Variants in RBFOX1 observed in about 807,000 individuals in gnomAD.
RBFOX1 encodes RNA binding protein fox-1 homolog 1.
Under a neutral mutation model 57.7 loss-of-function variants are expected in RBFOX1, and 8 were observed. That is an observed-to-expected ratio of 0.14 (90% CI 0.08 to 0.25). RBFOX1 has a LOEUF of 0.25. Among genes scored for constraint, RBFOX1 ranks in the 10% least tolerant of loss-of-function variants. The pLI is 1.00. For missense variants in RBFOX1, 611 were observed against 548.5 expected, an observed-to-expected ratio of 1.11 and a Z score of -1.14; for synonymous variants, 326 against 222.4, an observed-to-expected ratio of 1.47 and a Z score of -4.15.
intron 4 of RBFOX1, among the ~76,000 whole-genome samples, chr16:7,418,126 A>C (rs764832528): frequency 6.6e-6 from 1 of 152,076 alleles, no homozygotes; most frequent in Non-Finnish European, 1.5e-5. Flanking sequence ...CCCACGGCCA[A>C]CCTAGGTCCA....
intron 1 of RBFOX1, among the ~76,000 whole-genome samples, chr16:6,160,028 T>G (rs112164462): frequency 0.013 from 1,968 of 152,302 alleles, 17 homozygotes; most frequent in Middle Eastern, 0.027. Context: ...TACCTGTGAT[T>G]GTTCTTACCT....
chr16:7,209,871 C>G (rs557357236), intron 4 of RBFOX1, among the ~76,000 whole-genome samples: 10 of 152,158 alleles, frequency 6.6e-5, no homozygotes, highest in Non-Finnish European at 1.3e-4. Context: ...CACACACTCT[C>G]AAGGTCTTGA....
chr16:6,940,188 T>C (rs2078117968), intron 3 of RBFOX1, among the ~76,000 whole-genome samples: 1 of 147,972 alleles, frequency 6.8e-6, no homozygotes, highest in Middle Eastern at 3.4e-3. Flanking sequence ...TGAGACTCCA[T>C]CTCAAAAATA....
intron 3 of RBFOX1, among the ~76,000 whole-genome samples, chr16:6,725,415 C>T (rs947131730): frequency 3.9e-5 from 6 of 152,052 alleles, no homozygotes; most frequent in Non-Finnish European, 7.4e-5. Context: ...TACCTGGTGC[C>T]GACCATCTGT....
At chr16:7,432,914 C>T (rs1567141552) in intron 4 of RBFOX1, among the ~76,000 whole-genome samples, 3 of 152,316 alleles carry the variant, frequency 2.0e-5, no homozygotes, top group South Asian at 4.1e-4. Flanking sequence ...TATGGTGTTG[C>T]CCCAGAGGAT....
At chr16:7,490,320 G>C (rs2151501485) in intron 4 of RBFOX1, among the ~76,000 whole-genome samples, 1 of 152,320 alleles carries the variant, frequency 6.6e-6, no homozygotes, top group Non-Finnish European at 1.5e-5. Flanking sequence ...AGCTCTGCTA[G>C]ACTAGGGGAG....
intron 1 of RBFOX1, among the ~76,000 whole-genome samples, chr16:5,376,263 G>A (rs1204728688): frequency 6.6e-6 from 1 of 152,136 alleles, no homozygotes; most frequent in East Asian, 1.9e-4. Flanking sequence ...CATTCTGAGA[G>A]CATGCGCGGA....
intron 3 of RBFOX1, among the ~76,000 whole-genome samples, chr16:7,006,942 C>G (rs1023759235): frequency 2.6e-5 from 4 of 152,106 alleles, no homozygotes; most frequent in Non-Finnish European, 5.9e-5. Flanking sequence ...TCCATGTTTT[C>G]GTAGTCTTAG....
chr16:7,650,294 G>A (rs2064745531), intron 11 of RBFOX1, among the ~76,000 whole-genome samples: 2 of 149,242 alleles, frequency 1.3e-5, no homozygotes, highest in African/African-American at 4.9e-5. Context: ...CTGGCCCAAA[G>A]CATGACCTGT....
intron 1 of RBFOX1, among the ~76,000 whole-genome samples, chr16:6,095,831 GT>G (rs2096239294): frequency 1.3e-5 from 2 of 152,304 alleles, no homozygotes; most frequent in African/African-American, 4.8e-5. Flanking sequence ...GGTTTTCACT[GT>G]GACAAATATG....
rs866705393 is a variant in RBFOX1, at chr16:6,903,540, G to C, written c.-15-148517G>C. Among the ~76,000 whole-genome samples the C allele has an allele frequency of 5.9e-5, 9 of 152,302 alleles. No individual in the cohort carries two copies. The Middle Eastern group carries it at 0.02, about 345-fold the overall frequency. On this transcript the variant is annotated intron_variant, in intron 3 of 15. Coordinates refer to ENST00000550418, the MANE Select transcript of RBFOX1 (RefSeq NM_018723.4). Reference sequence around the variant, plus strand: ...TGGGGGAAGCACTTCAATAGGATGTGAGCTCGGAGTGAGTTCCAGAAAGGT... The same window carrying C: ...TGGGGGAAGCACTTCAATAGGATGTCAGCTCGGAGTGAGTTCCAGAAAGGT...
At chr16:6,591,376 C>T (rs551686548) in intron 2 of RBFOX1, among the ~76,000 whole-genome samples, 11 of 152,258 alleles carry the variant, frequency 7.2e-5, no homozygotes, top group African/African-American at 2.6e-4. Flanking sequence ...ATCACTTGAA[C>T]TTGGGAGGCG....
intron 1 of RBFOX1, among the ~76,000 whole-genome samples, chr16:5,266,900 C>A (rs552673964): frequency 1.3e-5 from 2 of 152,068 alleles, no homozygotes; most frequent in Non-Finnish European, 2.9e-5. Flanking sequence ...TTGACCTCTT[C>A]TATGTGCACA....
At chr16:7,571,851 C>T (rs913012990) in intron 5 of RBFOX1, among the ~76,000 whole-genome samples, 2 of 152,136 alleles carry the variant, frequency 1.3e-5, no homozygotes, top group Non-Finnish European at 2.9e-5. Context: ...AAGCTAGGCC[C>T]GGCGCCGTGG....
intron 4 of RBFOX1, among the ~76,000 whole-genome samples, chr16:5,908,214 A>G (rs1037690269): frequency 2.0e-5 from 3 of 146,626 alleles, no homozygotes; most frequent in Admixed American, 6.8e-5. Context: ...ACACATATAT[A>G]TACATATATA....
intron 5 of RBFOX1, among the ~76,000 whole-genome samples, chr16:7,567,420 C>CCTATGTATGGCCCTATATATATATATCG (rs1223649577): frequency 0.1 from 6,952 of 69,368 alleles, 1,280 homozygotes; most frequent in Non-Finnish European, 0.11. Flanking sequence ...TATATATATC[C>CCTATGTATGGCCCTATATATATATATCG]CTATGTATGG....
At chr16:6,643,493 A>G (rs9927107) in intron 2 of RBFOX1, among the ~76,000 whole-genome samples, 10,922 of 152,182 alleles carry the variant, frequency 0.072, 554 homozygotes, top group African/African-American at 0.14. Context: ...AATTCTGCTG[A>G]AAGGCAAGCA....
At chr16:7,081,752 A>T (rs1200381955) in intron 4 of RBFOX1, among the ~76,000 whole-genome samples, 1 of 152,140 alleles carries the variant, frequency 6.6e-6, no homozygotes, top group Non-Finnish European at 1.5e-5. Context: ...TATACTGATC[A>T]CCCTGGCCTT....
At chr16:7,643,608 A>C (rs1597172365) in intron 11 of RBFOX1, among the ~76,000 whole-genome samples, 1 of 152,220 alleles carries the variant, frequency 6.6e-6, no homozygotes, top group South Asian at 2.1e-4. Context: ...ACACTGTACT[A>C]GTACAAACCT....
Sources: allele counts gnomAD v4.1 joint callset (sites outside exome capture counted in the v4.1 genomes callset), GRCh38; gene constraint gnomAD v4.1.1; transcripts MANE v1.5; gene names NCBI Gene and HGNC (gene_info 2026-07-23, HGNC 2026-07-21).